AK5: variants seen among roughly 807,000 people sequenced by gnomAD.
AK5 encodes adenylate kinase 5.
Under a neutral mutation model 69.5 loss-of-function variants are expected in AK5, and 27 were observed. The ratio of observed to expected loss-of-function variants is 0.39; its 90% CI spans 0.29 to 0.54. The LOEUF (loss-of-function observed/expected upper bound fraction) is 0.54. AK5 is among the 20% of genes least tolerant of loss of function. The pLI, the probability that AK5 is intolerant of heterozygous loss-of-function variation, is 0.71. For missense variants in AK5, 531 were observed against 700.4 expected, an observed-to-expected ratio of 0.76 and a Z score of 2.73; for synonymous variants, 260 against 244.4, an observed-to-expected ratio of 1.06 and a Z score of -0.60.
chr1:77,400,589 A>G (rs1649147098), intron 6 of AK5, among the ~76,000 whole-genome samples: 1 of 152,192 alleles, frequency 6.6e-6, no homozygotes, highest in Admixed American at 6.5e-5. Flanking sequence ...AATCAAAGTT[A>G]TCTTAAGTTA....
Position 77,417,668 on chromosome 1 carries a change from T to A in AK5, c.1012T>A (p.Leu338Met), listed in dbSNP as rs145725699. Residue 338 changes from leucine to methionine, a missense_variant, in exon 8 of 14, where the codon TTG becomes ATG. Coordinates refer to ENST00000354567, the MANE Select transcript of AK5 (RefSeq NM_174858.3). The stretch of plus-strand genomic sequence containing the variant: ...AAGTGACCTTGATCCTTCGATGATA[T>A]TGGACACTGGAGAGATCATTGATAC... ...GSSDLDPSMI[L>M]DTGEIIDTGS... The A allele has an allele frequency of 4.3e-6, 7 of 1,610,166 alleles. No homozygotes were observed. The highest frequency in any genetic ancestry group is 5.9e-6 in the Non-Finnish European group (7 of 1,177,282).
At chr1:77,480,855 A>AT (rs1415185822) in intron 8 of AK5, among the ~76,000 whole-genome samples, 1 of 152,158 alleles carries the variant, frequency 6.6e-6, no homozygotes, top group Non-Finnish European at 1.5e-5. Context: ...AGTAATTGAT[A>AT]TTTTTCCCCT....
At chr1:77,321,270 G>A (rs886515590) in intron 5 of AK5, among the ~76,000 whole-genome samples, 1 of 152,240 alleles carries the variant, frequency 6.6e-6, no homozygotes, top group African/African-American at 2.4e-5. Context: ...TCAGGAGTTT[G>A]ACAGCAGTCT....
At chr1:77,557,772 CACTT>C (rs527302907) in intron 13 of AK5, among the ~76,000 whole-genome samples, 143 of 152,238 alleles carry the variant, frequency 9.4e-4, no homozygotes, top group African/African-American at 3.2e-3. Context: ...CCTAAATAGG[CACTT>C]ATTGTTTTAA....
chr1:77,472,549 T>C (rs1654579535), intron 8 of AK5, among the ~76,000 whole-genome samples: 1 of 149,922 alleles, frequency 6.7e-6, no homozygotes, highest in African/African-American at 2.4e-5. Flanking sequence ...ATTTTCTGCA[T>C]CCAAAAAGAG....
chr1:77,354,317 G>A (rs187046391), intron 6 of AK5, among the ~76,000 whole-genome samples: 186 of 152,244 alleles, frequency 1.2e-3, no homozygotes, highest in African/African-American at 4.3e-3. Flanking sequence ...ATTATTCTGA[G>A]ATTTCTAGCT....
At chr1:77,530,250 A>G (rs920651369) in intron 12 of AK5, among the ~76,000 whole-genome samples, 2 of 152,186 alleles carry the variant, frequency 1.3e-5, no homozygotes, top group Non-Finnish European at 2.9e-5. Context: ...TTCACTGCAG[A>G]ACTTAGAGCT....
intron 12 of AK5, among the ~76,000 whole-genome samples, chr1:77,525,207 C>T (rs1458251985): frequency 6.6e-6 from 1 of 152,188 alleles, no homozygotes; most frequent in East Asian, 1.9e-4. Flanking sequence ...CCATGCCCAG[C>T]CTTGATCCAT....
chr1:77,462,106 C>T (rs1290457728), intron 8 of AK5, among the ~76,000 whole-genome samples: 1 of 152,148 alleles, frequency 6.6e-6, no homozygotes, highest in Admixed American at 6.6e-5. Context: ...AAAAAGATTT[C>T]CTATTTTTTC....
At chr1:77,491,848 AT>A (rs1036244952) in intron 10 of AK5, among the ~76,000 whole-genome samples, 2 of 152,184 alleles carry the variant, frequency 1.3e-5, no homozygotes, top group African/African-American at 4.8e-5. Flanking sequence ...TACTCTCCTG[AT>A]TTTTCAAGTA....
intron 5 of AK5, among the ~76,000 whole-genome samples, chr1:77,328,515 A>C (rs945015794): frequency 6.6e-6 from 1 of 152,052 alleles, no homozygotes; most frequent in African/African-American, 2.4e-5. Flanking sequence ...GAAAAAAAAA[A>C]ACTTCAACTT....
At chr1:77,301,560 C>T (rs772467730) in intron 5 of AK5, among the ~76,000 whole-genome samples, 1 of 152,228 alleles carries the variant, frequency 6.6e-6, no homozygotes, top group Non-Finnish European at 1.5e-5. Context: ...TCTTCCCACA[C>T]ATACAATGTA....
At chr1:77,367,599 A>ATATATATGTT (rs756398279) in intron 6 of AK5, among the ~76,000 whole-genome samples, 30,817 of 63,102 alleles carry the variant, frequency 0.49, 9,946 homozygotes, top group East Asian at 0.68. Context: ...TTATATATGT[A>ATATATATGTT]ATATATATGT....
chr1:77,349,661 G>A (rs1346705503), intron 6 of AK5: 2 of 152,180 alleles, frequency 1.3e-5, no homozygotes, highest in Non-Finnish European at 2.9e-5. Flanking sequence ...AGTAATTTTT[G>A]CTAGGTAATA....
In AK5 at chr1:77,558,674, C is replaced by CA. The variant is rs1557674312; in HGVS notation, c.*9dup. The CA allele has an allele frequency of 1.9e-6, 3 of 1,551,494 alleles. No individual in the cohort carries two copies. The highest frequency in any genetic ancestry group is 2.7e-5 in the African/African-American group (2 of 74,146). On this transcript the variant is annotated 3_prime_UTR_variant, in exon 14 of 14. Transcript: ENST00000354567. ...AGCTATTGACTCTATTTTCTGAAGG[C>CA]AAAAATGCATGTTTGTTAGAATGGA...
intron 8 of AK5, among the ~76,000 whole-genome samples, chr1:77,455,018 C>T (rs1211341737): frequency 2.0e-5 from 3 of 152,210 alleles, no homozygotes; most frequent in Non-Finnish European, 4.4e-5. Flanking sequence ...TTTTGCTGAG[C>T]ACTCAATTTG....
At chr1:77,377,764 C>G (rs759979086) in intron 6 of AK5, among the ~76,000 whole-genome samples, 1 of 152,154 alleles carries the variant, frequency 6.6e-6, no homozygotes, top group Admixed American at 6.5e-5. Flanking sequence ...TAGTTCCATA[C>G]TTCTGTGCTT....
At chr1:77,343,021 A>C (rs1049476293) in intron 6 of AK5, among the ~76,000 whole-genome samples, 2 of 152,224 alleles carry the variant, frequency 1.3e-5, no homozygotes, top group Non-Finnish European at 2.9e-5. Flanking sequence ...CTCACTATAT[A>C]GTAAGCTCCA....
intron 8 of AK5, among the ~76,000 whole-genome samples, chr1:77,431,834 A>C (rs535218400): frequency 2.0e-5 from 3 of 152,184 alleles, no homozygotes; most frequent in Non-Finnish European, 4.4e-5. Context: ...TTGTAAGAAA[A>C]AAATGAGGAG....
Sources: gnomAD v4.1 joint callset for allele counts (sites outside exome capture counted in the v4.1 genomes callset) on GRCh38, gnomAD v4.1.1 for gene constraint, MANE v1.5 for transcripts, NCBI Gene and HGNC (gene_info 2026-07-23, HGNC 2026-07-21) for gene names.